The following RPS6KC1 variants were observed in gnomAD, a reference collection of about 807,000 sequenced individuals.
RPS6KC1 encodes ribosomal protein S6 kinase C1, also known as inactive ribosomal protein S6 kinase delta-1.
A neutral mutation model predicts 103.8 loss-of-function variants in RPS6KC1; 54 were observed. That is an observed-to-expected ratio of 0.52 (90% CI 0.42 to 0.65). The LOEUF (loss-of-function observed/expected upper bound fraction) is 0.65, where lower values mean the gene tolerates loss of function less well. RPS6KC1 is among the 30% of genes least tolerant of loss of function. The pLI is 0.00. For synonymous variants in RPS6KC1, 439 were observed against 438.7 expected, an observed-to-expected ratio of 1.00 and a Z score of -0.01; for missense variants, 1,151 against 1,253.8, an observed-to-expected ratio of 0.92 and a Z score of 1.24.
At chr1:213,746,394 C>G in the RPS6KC1 span, among the ~76,000 whole-genome samples, 1 of 152,104 alleles carries the variant, frequency 6.6e-6, no homozygotes, top group Non-Finnish European at 1.5e-5. Flanking sequence ...GTGAGGGGCA[C>G]CTGGGGTGTC....
At chr1:213,826,430 A>G in the RPS6KC1 span, among the ~76,000 whole-genome samples, 4 of 152,254 alleles carry the variant, frequency 2.6e-5, no homozygotes, top group African/African-American at 9.6e-5. Flanking sequence ...GTCTTTCTCC[A>G]TAAGATAATG....
the RPS6KC1 span, among the ~76,000 whole-genome samples, chr1:213,513,026 TGG>T: frequency 6.6e-6 from 1 of 152,328 alleles, no homozygotes; most frequent in South Asian, 2.1e-4. Flanking sequence ...TTATGTTACA[TGG>T]CAAAAGGGAC....
At chr1:213,586,648 C>T in the RPS6KC1 span, among the ~76,000 whole-genome samples, 2 of 151,888 alleles carry the variant, frequency 1.3e-5, no homozygotes, top group African/African-American at 4.8e-5. Context: ...GGCACCAATC[C>T]TTCTAAAGCT....
intron 1 of RPS6KC1, among the ~76,000 whole-genome samples, chr1:213,057,875 C>A (rs1030571003): frequency 2.0e-5 from 3 of 149,600 alleles, no homozygotes; most frequent in African/African-American, 7.4e-5. Context: ...GCAATTCTCC[C>A]ACCTCTCAGC....
chr1:213,693,733 C>T, the RPS6KC1 span, among the ~76,000 whole-genome samples: 3 of 152,118 alleles, frequency 2.0e-5, no homozygotes, highest in Non-Finnish European at 4.4e-5. Context: ...ATACCTTTTT[C>T]GATGGCTACG....
the RPS6KC1 span, among the ~76,000 whole-genome samples, chr1:213,284,666 A>C: frequency 6.6e-6 from 1 of 152,172 alleles, no homozygotes; most frequent in Admixed American, 6.5e-5. Context: ...TGTTTAGTAG[A>C]TCACAAAGAA....
At chr1:213,359,155 G>T in the RPS6KC1 span, among the ~76,000 whole-genome samples, 17 of 152,156 alleles carry the variant, frequency 1.1e-4, no homozygotes, top group Admixed American at 1.1e-3. Context: ...TGACAGTGGG[G>T]TGTTAAAGTC....
At chr1:213,536,425 G>A in the RPS6KC1 span, among the ~76,000 whole-genome samples, 14,261 of 152,232 alleles carry the variant, frequency 0.094, 801 homozygotes, top group Non-Finnish European at 0.12. Flanking sequence ...AAGTAAATGA[G>A]CAAAACAATT....
chr1:213,152,277 G>A (rs1262659462), intron 6 of RPS6KC1, among the ~76,000 whole-genome samples: 66 of 148,076 alleles, frequency 4.5e-4, no homozygotes, highest in African/African-American at 1.5e-3. Flanking sequence ...CCTGGCGGGG[G>A]GCTGATCCCC....
Position 213,168,419 on chromosome 1 carries a change from A to G in RPS6KC1, c.951+446A>G, listed in dbSNP as rs148025729. Among the ~76,000 whole-genome samples the G allele has an allele frequency of 1.2e-4, 18 of 152,328 alleles. No homozygotes were observed. The East Asian group carries it at 3.3e-3, about 28-fold the overall frequency. ...TAATTCTAGCAGAGATAGTTATGTT[A>G]TTTGGGACTTCTGCTAGACTTGTCT... On this transcript the variant is annotated intron_variant, in intron 7 of 14. Coordinates refer to ENST00000366960, the MANE Select transcript of RPS6KC1 (RefSeq NM_012424.6).
the RPS6KC1 span, among the ~76,000 whole-genome samples, chr1:213,347,644 C>G: frequency 6.6e-6 from 1 of 152,190 alleles, no homozygotes; most frequent in Non-Finnish European, 1.5e-5. Flanking sequence ...TTCAAGATTA[C>G]AGTGAGCTAT....
At chr1:213,225,020 G>A (rs2093926301) in intron 8 of RPS6KC1, among the ~76,000 whole-genome samples, 1 of 152,212 alleles carries the variant, frequency 6.6e-6, no homozygotes, top group South Asian at 2.1e-4. Flanking sequence ...GTGCTGGTGT[G>A]TTAAGAATGG....
chr1:213,736,692 T>TTA, the RPS6KC1 span, among the ~76,000 whole-genome samples: 2 of 152,160 alleles, frequency 1.3e-5, no homozygotes, highest in Admixed American at 1.3e-4. Flanking sequence ...CTTACTGGGA[T>TTA]TCTCTCCCAA....
chr1:213,152,065 C>T (rs1377421667), intron 6 of RPS6KC1, among the ~76,000 whole-genome samples: 1 of 142,552 alleles, frequency 7.0e-6, no homozygotes, highest in Non-Finnish European at 1.5e-5. Context: ...CTAACCCCCC[C>T]ACCTCCCTCC....
chr1:213,084,210 T>C (rs1289149700), intron 3 of RPS6KC1, among the ~76,000 whole-genome samples: 1 of 152,068 alleles, frequency 6.6e-6, no homozygotes, highest in African/African-American at 2.4e-5. Context: ...CACACACATA[T>C]AAAATATATG....
the RPS6KC1 span, among the ~76,000 whole-genome samples, chr1:213,804,191 A>C: frequency 6.0e-5 from 9 of 150,398 alleles, no homozygotes; most frequent in Admixed American, 1.3e-4. Context: ...AAAAAAAAAA[A>C]AAAAAAACAA....
At chr1:213,444,785 GA>G in the RPS6KC1 span, among the ~76,000 whole-genome samples, 1 of 141,244 alleles carries the variant, frequency 7.1e-6, no homozygotes, top group Admixed American at 7.0e-5. Flanking sequence ...AAAAAGAACA[GA>G]AAAAAATGAA....
At chr1:213,328,529 TATATATATATATCA>T in the RPS6KC1 span, among the ~76,000 whole-genome samples, 5 of 95,310 alleles carry the variant, frequency 5.2e-5, no homozygotes, top group Non-Finnish European at 1.1e-4. Flanking sequence ...TATATATATA[TATATATATATATCA>T]CACACACACG....
the RPS6KC1 span, among the ~76,000 whole-genome samples, chr1:213,396,592 C>T: frequency 6.6e-6 from 1 of 152,188 alleles, no homozygotes; most frequent in Non-Finnish European, 1.5e-5. Flanking sequence ...GGGTTCACTA[C>T]CTTCTTTTGT....
Sources: gnomAD v4.1 joint callset for allele counts (sites outside exome capture counted in the v4.1 genomes callset) on GRCh38, gnomAD v4.1.1 for gene constraint, MANE v1.5 for transcripts, NCBI Gene and HGNC (gene_info 2026-07-23, HGNC 2026-07-21) for gene names.